The following HIVEP2 variants were observed in gnomAD, a reference collection of about 807,000 sequenced individuals.
HIVEP2 encodes HIVEP zinc finger 2, also known as transcription factor HIVEP2.
HIVEP2 carries 14 observed loss-of-function variants against 180.7 expected under a neutral mutation model. That is an observed-to-expected ratio of 0.08 (90% CI 0.05 to 0.12). The LOEUF is 0.12. Among genes scored for constraint, HIVEP2 ranks in the 10% least tolerant of loss-of-function variants. The pLI, the probability that HIVEP2 is intolerant of heterozygous loss-of-function variation, is 1.00. For synonymous variants in HIVEP2, 1,184 were observed against 1,136.4 expected, an observed-to-expected ratio of 1.04 and a Z score of -0.84; for missense variants, 2,579 against 3,008.5, an observed-to-expected ratio of 0.86 and a Z score of 3.34.
chr6:142,889,367 G>A (rs1776796038), intron 1 of HIVEP2, among the ~76,000 whole-genome samples: 1 of 152,084 alleles, frequency 6.6e-6, no homozygotes, highest in African/African-American at 2.4e-5. Context: ...GGAAGCAGAG[G>A]CGGTAAGATC....
intron 1 of HIVEP2, among the ~76,000 whole-genome samples, chr6:142,899,146 C>T (rs969924782): frequency 6.6e-6 from 1 of 152,182 alleles, no homozygotes; most frequent in South Asian, 2.1e-4. Context: ...CTCTACTCCT[C>T]CTCCCACTTT....
chr6:142,773,568 G>A lies in HIVEP2; in HGVS notation c.1171C>T (p.His391Tyr), dbSNP rs534600980. ...SEPSLNLLSP[H>Y]SKGSTDSGYF... ...CCAGAATCAGTGCTTCCTTTACTGT[G>A]CGGGCTCAGAAGGTTGAGCGATGGC... The change falls in exon 5 of 10, where the codon CAC (histidine) becomes TAC (tyrosine). Residue 391 changes from histidine (H) to tyrosine (Y), a missense_variant. Physicochemically the swap from His to Tyr is moderately conservative, Grantham distance 83. Around this residue, in one of 11 missense-constraint regions of HIVEP2, gnomAD observed 47 missense variants for 92.5 expected, o/e 0.51. Coordinates refer to ENST00000367603, the MANE Select transcript of HIVEP2 (RefSeq NM_006734.4). 3.7e-6 allele frequency: 6 copies of A among 1,614,176 alleles called. No individual in the cohort carries two copies. Among genetic ancestry groups the A allele is most frequent in the Non-Finnish European group, 5.1e-6 (6 of 1,180,036 alleles).
At chr6:142,876,696 T>C (rs1445278025) in intron 1 of HIVEP2, among the ~76,000 whole-genome samples, 1 of 152,190 alleles carries the variant, frequency 6.6e-6, no homozygotes, top group Non-Finnish European at 1.5e-5. Context: ...AAAAATTCTA[T>C]TATAGGATAT....
In HIVEP2 at chr6:142,775,014, G is replaced by A. The variant is rs1179901961; in HGVS notation, c.-276C>T. On this transcript the variant is annotated 5_prime_UTR_variant, in exon 5 of 10. Transcript: ENST00000367603. ...TGCAAATCTATAAAGATTTCTTATG[G>A]CATTTGAAAATTTTCAACTAGGATG... 8.6e-7 allele frequency: 1 copy of A among 1,164,998 alleles called. No homozygotes were observed. The highest frequency in any genetic ancestry group is 4.1e-5 in the East Asian group (1 of 24,100). 72.2% of individuals were successfully genotyped at this position (1,164,998 alleles called of 1,614,324 possible).
chr6:142,798,862 G>A (rs1418312139), intron 2 of HIVEP2, among the ~76,000 whole-genome samples: 1 of 152,086 alleles, frequency 6.6e-6, no homozygotes, highest in Non-Finnish European at 1.5e-5. Flanking sequence ...AAATGAGATA[G>A]CACATGCAAA....
At chr6:142,882,904 A>G (rs536748965) in intron 1 of HIVEP2, among the ~76,000 whole-genome samples, 1 of 152,286 alleles carries the variant, frequency 6.6e-6, no homozygotes, top group Non-Finnish European at 1.5e-5. Context: ...AAAGGACCAC[A>G]TATTAACCAG....
At chr6:142,757,326 A>T (rs777350432) in intron 9 of HIVEP2, among the ~76,000 whole-genome samples, 1 of 152,242 alleles carries the variant, frequency 6.6e-6, no homozygotes, top group South Asian at 2.1e-4. Flanking sequence ...GTAACAGGCC[A>T]AAAGCATCAT....
At chr6:142,877,281 G>C (rs1342840848) in intron 1 of HIVEP2, among the ~76,000 whole-genome samples, 1 of 152,090 alleles carries the variant, frequency 6.6e-6, no homozygotes. Context: ...TTTTAATCAA[G>C]AATGCCCTCT....
intron 1 of HIVEP2, among the ~76,000 whole-genome samples, chr6:142,844,028 G>A (rs964077515): frequency 4.0e-5 from 6 of 151,664 alleles, no homozygotes; most frequent in Non-Finnish European, 8.8e-5. Context: ...ACATACTTTC[G>A]GATGGCACAT....
chr6:142,880,453 A>C (rs1776552969), intron 1 of HIVEP2, among the ~76,000 whole-genome samples: 1 of 152,156 alleles, frequency 6.6e-6, no homozygotes, highest in Non-Finnish European at 1.5e-5. Context: ...TTGCCACCAG[A>C]CACAGTCACC....
In HIVEP2 at chr6:142,765,000, G is replaced by A. The variant is rs747262699; in HGVS notation, c.5343-26C>T. 7.6e-6 allele frequency: 12 copies of A among 1,580,834 alleles called. No homozygotes were observed. In the Admixed American group the frequency reaches 2.1e-4, roughly 27 times the overall value. On this transcript the variant is annotated intron_variant, in intron 6 of 9. Coordinates refer to ENST00000367603, the MANE Select transcript of HIVEP2 (RefSeq NM_006734.4). ...CTGTTTTAAAAAGAGGGAATCCAGT[G>A]TGTTTTCAAATATTCTTAGCATGCT... is the stretch of plus-strand genomic sequence containing the variant.
Position 142,770,312 on chromosome 6 carries a change from A to G in HIVEP2, c.4427T>C (p.Val1476Ala), listed in dbSNP as rs762785727. The G allele has an allele frequency of 6.2e-7, 1 of 1,614,160 alleles. No individual in the cohort carries two copies. ...YGQIVEELSAVELTNSDIKKD... is the reference protein window; with the variant it reads ...YGQIVEELSAAELTNSDIKKD... ...TTTGATGTCTGAGTTGGTCAGCTCC[A>G]CAGCACTAAGCTCCTCCACAATCTG... The change falls in exon 5 of 10, where the codon GTG (valine) becomes GCG (alanine). Residue 1476 changes from valine to alanine, a missense_variant. Transcript: ENST00000367603. The surrounding 1 kb of genome is among the most constrained non-coding windows in gnomAD (Gnocchi z 4.7).
intron 1 of HIVEP2, among the ~76,000 whole-genome samples, chr6:142,839,803 C>G (rs1158466020): frequency 6.6e-6 from 1 of 152,188 alleles, no homozygotes; most frequent in East Asian, 1.9e-4. Context: ...ACCTAAATAA[C>G]TCTTTTAATA....
intron 1 of HIVEP2, among the ~76,000 whole-genome samples, chr6:142,873,540 T>A (rs752845898): frequency 5.9e-5 from 9 of 152,300 alleles, no homozygotes; most frequent in Non-Finnish European, 1.2e-4. Context: ...TATAATTGAC[T>A]ACATTATTTG....
intron 2 of HIVEP2, among the ~76,000 whole-genome samples, chr6:142,822,843 C>A (rs1441976998): frequency 6.6e-6 from 1 of 152,158 alleles, no homozygotes; most frequent in East Asian, 1.9e-4. Context: ...AGGGAAGGAA[C>A]ACTTATTGAC....
chr6:142,817,926 A>G (rs1180166082), intron 2 of HIVEP2, among the ~76,000 whole-genome samples: 1 of 151,966 alleles, frequency 6.6e-6, no homozygotes, highest in African/African-American at 2.4e-5. Context: ...GAATCACTTG[A>G]ACCTGGGAGG....
intron 2 of HIVEP2, among the ~76,000 whole-genome samples, chr6:142,833,631 G>C (rs1775151047): frequency 6.6e-6 from 1 of 152,164 alleles, no homozygotes; most frequent in African/African-American, 2.4e-5. Context: ...AACGAATGAA[G>C]GTATAACCAG....
chr6:142,882,398 G>T (rs554120706), intron 1 of HIVEP2, among the ~76,000 whole-genome samples: 84 of 152,126 alleles, frequency 5.5e-4, no homozygotes, highest in African/African-American at 2.0e-3. Context: ...ATCACTTGAG[G>T]CCAGGAGTTT....
At chr6:142,870,121 C>A (rs1218775762) in intron 1 of HIVEP2, among the ~76,000 whole-genome samples, 1 of 151,946 alleles carries the variant, frequency 6.6e-6, no homozygotes, top group African/African-American at 2.4e-5. Flanking sequence ...CCCACCAAGA[C>A]CCACCTGGGT....
Sources: gnomAD v4.1 joint callset for allele counts (sites outside exome capture counted in the v4.1 genomes callset) on GRCh38, gnomAD v4.1.1 for gene constraint, gnomAD v4.1.1 regional missense constraint, Gnocchi (gnomAD v3.1) non-coding constraint, MANE v1.5 for transcripts, NCBI Gene and HGNC (gene_info 2026-07-23, HGNC 2026-07-21) for gene names.